The following PRELID2 variants were observed in gnomAD, a reference collection of about 807,000 sequenced individuals.
PRELID2 encodes the protein PRELI domain containing 2.
Under a neutral mutation model 28.4 loss-of-function variants are expected in PRELID2, and 25 were observed. That is an observed-to-expected ratio of 0.88 (90% CI 0.64 to 1.23). The LOEUF is 1.23. Ranked by LOEUF, PRELID2 falls within the 50% of genes most tolerant of loss-of-function variation. PRELID2 has a pLI of 0.00. For missense variants in PRELID2, 201 were observed against 214.4 expected, an observed-to-expected ratio of 0.94 and a Z score of 0.39; for synonymous variants, 76 against 71.6, an observed-to-expected ratio of 1.06 and a Z score of -0.31.
chr5:145,367,921 T>A, the PRELID2 span, among the ~76,000 whole-genome samples: 1 of 152,098 alleles, frequency 6.6e-6, no homozygotes, highest in Non-Finnish European at 1.5e-5. Context: ...CCATGTGAAA[T>A]AAGTTTTCAA....
the PRELID2 span, among the ~76,000 whole-genome samples, chr5:145,445,261 C>T: frequency 6.6e-6 from 1 of 152,108 alleles, no homozygotes; most frequent in South Asian, 2.1e-4. Flanking sequence ...GATGAAGTTG[C>T]CAAGAACACT....
the PRELID2 span, among the ~76,000 whole-genome samples, chr5:145,434,035 A>C: frequency 9.9e-5 from 15 of 152,272 alleles, 1 homozygote; most frequent in South Asian, 3.1e-3. Flanking sequence ...TTCATTACAA[A>C]ATGGACATGG....
At chr5:145,563,853 A>G (rs1318955387) in intron 1 of PRELID2, among the ~76,000 whole-genome samples, 1 of 152,240 alleles carries the variant, frequency 6.6e-6, no homozygotes, top group Non-Finnish European at 1.5e-5. Flanking sequence ...CATTTAATGT[A>G]CAGCATGAGT....
the PRELID2 span, among the ~76,000 whole-genome samples, chr5:145,461,332 G>T: frequency 2.2e-5 from 1 of 45,554 alleles, no homozygotes; most frequent in Non-Finnish European, 4.1e-5. Context: ...ATGGAGTCTC[G>T]CTCTGTCGCC....
At chr5:145,404,562 T>G in the PRELID2 span, among the ~76,000 whole-genome samples, 3 of 152,194 alleles carry the variant, frequency 2.0e-5, no homozygotes, top group Non-Finnish European at 4.4e-5. Context: ...CCAACAATTA[T>G]AATACAGTGT....
the PRELID2 span, among the ~76,000 whole-genome samples, chr5:145,437,583 C>T: frequency 3.9e-5 from 6 of 152,036 alleles, no homozygotes; most frequent in African/African-American, 1.2e-4. Flanking sequence ...GACAGTATTT[C>T]GTGGGAGGGA....
intron 1 of PRELID2, among the ~76,000 whole-genome samples, chr5:145,626,195 T>G (rs1449638285): frequency 6.6e-6 from 1 of 152,108 alleles, no homozygotes; most frequent in Non-Finnish European, 1.5e-5. Context: ...TTAATTAAAC[T>G]TAAAACCTTC....
At chr5:145,644,812 T>A (rs1244242027) in intron 1 of PRELID2, among the ~76,000 whole-genome samples, 2 of 152,230 alleles carry the variant, frequency 1.3e-5, no homozygotes, top group Non-Finnish European at 2.9e-5. Context: ...AGTTTCCATA[T>A]AGTTGTGTGG....
At chr5:145,817,571 C>G (rs371144488) in intron 4 of PRELID2, among the ~76,000 whole-genome samples, 1 of 151,128 alleles carries the variant, frequency 6.6e-6, no homozygotes, top group Non-Finnish European at 1.5e-5. Flanking sequence ...TATACAGGCT[C>G]TATGAGTATA....
At chr5:145,800,301 T>TACACAC (rs10555229) in intron 4 of PRELID2, among the ~76,000 whole-genome samples, 5,650 of 138,466 alleles carry the variant, frequency 0.041, 181 homozygotes, top group African/African-American at 0.084. Context: ...CCCCTTCTCT[T>TACACAC]ACACACACAC....
At chr5:145,243,948 ATTTG>A in the PRELID2 span, among the ~76,000 whole-genome samples, 1 of 151,410 alleles carries the variant, frequency 6.6e-6, no homozygotes, top group Non-Finnish European at 1.5e-5. Context: ...TTGTTTGTTT[ATTTG>A]TTTGTTTGTT....
chr5:145,403,741 G>C, the PRELID2 span, among the ~76,000 whole-genome samples: 1 of 152,192 alleles, frequency 6.6e-6, no homozygotes, highest in African/African-American at 2.4e-5. Context: ...GGAAACTGAA[G>C]TCAGCAGGAT....
chr5:145,290,748 AAAAAT>A, the PRELID2 span, among the ~76,000 whole-genome samples: 2 of 152,122 alleles, frequency 1.3e-5, no homozygotes, highest in Non-Finnish European at 1.5e-5. Flanking sequence ...TTAAAGTATA[AAAAAT>A]AAAATAAAAT....
chr5:145,741,323 ATTAT>A (rs1488805866), intron 1 of PRELID2, among the ~76,000 whole-genome samples: 6 of 39,156 alleles, frequency 1.5e-4, no homozygotes, highest in East Asian at 1.0e-3. Flanking sequence ...TTATAAATAA[ATTAT>A]TTATATATAA....
At chr5:145,272,156 T>G in the PRELID2 span, among the ~76,000 whole-genome samples, 1 of 152,148 alleles carries the variant, frequency 6.6e-6, no homozygotes, top group Non-Finnish European at 1.5e-5. Context: ...TAGTTTGACT[T>G]ACTGAGAACA....
At chr5:145,816,178 G>A (rs1476181140) in intron 4 of PRELID2, among the ~76,000 whole-genome samples, 2 of 149,712 alleles carry the variant, frequency 1.3e-5, no homozygotes, top group Admixed American at 6.7e-5. Context: ...CGTCTCCTGG[G>A]TTCAAGCTAT....
the PRELID2 span, among the ~76,000 whole-genome samples, chr5:145,260,675 G>T: frequency 6.6e-6 from 1 of 152,162 alleles, no homozygotes; most frequent in African/African-American, 2.4e-5. Context: ...AGAGAAAAGG[G>T]CAGAAAAAAT....
At chr5:145,525,725 T>G (rs1428955467) in intron 1 of PRELID2, among the ~76,000 whole-genome samples, 1 of 152,222 alleles carries the variant, frequency 6.6e-6, no homozygotes, top group South Asian at 2.1e-4. Flanking sequence ...AGAACAAGCA[T>G]GTGAATGTTT....
chr5:145,469,965 T>C (rs150038195), downstream of PRELID2, among the ~76,000 whole-genome samples: 1 of 152,278 alleles, frequency 6.6e-6, no homozygotes, highest in African/African-American at 2.4e-5. Flanking sequence ...TATTCACATA[T>C]ATATTATGTC....
Sources: allele counts gnomAD v4.1 joint callset (sites outside exome capture counted in the v4.1 genomes callset), GRCh38; gene constraint gnomAD v4.1.1; transcripts MANE v1.5; gene names NCBI Gene and HGNC (gene_info 2026-07-23, HGNC 2026-07-21).